TET2: variants seen among roughly 807,000 people sequenced by gnomAD.
The protein encoded by TET2 is tet methylcytosine dioxygenase 2.
A neutral mutation model predicts 142.9 loss-of-function variants in TET2; 299 were observed. The observed-to-expected ratio is 2.09, with a 90% CI of 1.90 to 2.30. The LOEUF (loss-of-function observed/expected upper bound fraction) is 2.30, where lower values mean the gene tolerates loss of function less well. TET2 is among the 30% of genes most tolerant of loss of function. The pLI, the probability that TET2 is intolerant of heterozygous loss-of-function variation, is 0.00. For synonymous variants in TET2, 819 were observed against 849.0 expected (o/e 0.96, Z 0.61); for missense variants, 2,418 against 2,378.0 (o/e 1.02, Z -0.35).
intron 2 of TET2, among the ~76,000 whole-genome samples, chr4:105,198,197 G>T (rs1726203971): frequency 6.6e-6 from 1 of 152,082 alleles, no homozygotes; most frequent in African/African-American, 2.4e-5. Flanking sequence ...TTAGCTGGGG[G>T]TGGTGGTGCA....
At chr4:105,212,816 C>T (rs913679282) in intron 2 of TET2, among the ~76,000 whole-genome samples, 12 of 152,022 alleles carry the variant, frequency 7.9e-5, no homozygotes, top group African/African-American at 2.9e-4. Context: ...ATGGTGAAAC[C>T]CTGTCTCTAC....
rs1731238173 is a variant in TET2 at position 105,276,662 on chromosome 4, A to C, written c.*143A>C. The stretch of plus-strand genomic sequence containing the variant: ...GGAAAAACCTCAGCTCACCAGCAAC[A>C]AAAGAGGTTATCTTACCATAGCACT... On this transcript the variant is annotated 3_prime_UTR_variant, in exon 11 of 11. Coordinates refer to ENST00000380013, the MANE Select transcript of TET2 (RefSeq NM_001127208.3). 1.1e-6 allele frequency: 1 copy of C among 946,566 alleles called. No homozygotes were observed. Among genetic ancestry groups the C allele is most frequent in the African/African-American group, 1.7e-5 (1 of 60,068 alleles). 58.6% of individuals were successfully genotyped at this position (946,566 alleles called of 1,614,324 possible). A position where few individuals can be genotyped will look rare whatever the true frequency, so the allele number is the denominator to read the frequency against.
chr4:105,263,786 A>G lies in TET2; in HGVS notation c.4044+1938A>G, dbSNP rs191558453. Among the ~76,000 whole-genome samples the G allele has an allele frequency of 1.8e-3, 268 of 152,274 alleles. 4 individuals are homozygous for G. Among genetic ancestry groups the G allele is most frequent in the Non-Finnish European group, 3.5e-4 (24 of 68,020 alleles). On this transcript the variant is annotated intron_variant, in intron 8 of 10. Coordinates refer to ENST00000380013, the MANE Select transcript of TET2 (RefSeq NM_001127208.3). The stretch of plus-strand genomic sequence containing the variant: ...TGATGATGGGATTCTGGAGCCATCA[A>G]TCATTTTAGGCATGAGTGGAGGAAG...
At chr4:105,221,162 T>G (rs1263446005) in intron 2 of TET2, among the ~76,000 whole-genome samples, 1 of 152,132 alleles carries the variant, frequency 6.6e-6, no homozygotes, top group Non-Finnish European at 1.5e-5. Context: ...TATCGTTTCC[T>G]TCAGTACACA....
In TET2 at chr4:105,193,048, T is replaced by A. The variant is rs554958277; in HGVS notation, c.-47+2543T>A. ...AGTATCTTATACATCAGTAAATATT[T>A]ACACATACACTTAAGTAAGTGATAT... is the stretch of plus-strand genomic sequence containing the variant. On this transcript the variant is annotated intron_variant, in intron 2 of 10. Coordinates refer to ENST00000380013, the MANE Select transcript of TET2 (RefSeq NM_001127208.3). Among the ~76,000 whole-genome samples, 94 of 152,264 alleles carry A rather than the reference T, an allele frequency of 6.2e-4. 1 individual carries two copies. The South Asian group carries it at 0.019, about 30-fold the overall frequency.
In TET2 at chr4:105,243,685, C is replaced by G. The variant is rs903593725; in HGVS notation, c.3710C>G (p.Pro1237Arg). The part of the protein sequence containing the change: ...VILILVWEGI[P>R]LSLADKLYSE... Reference sequence around the variant, plus strand: ...CTCATCCTGGTGTGGGAAGGAATCCCGCTGTCTCTGGCTGACAAACTCTAC... The same window carrying G: ...CTCATCCTGGTGTGGGAAGGAATCCGGCTGTCTCTGGCTGACAAACTCTAC... Residue 1237 changes from proline to arginine, a missense_variant, in exon 6 of 11, where the codon CCG becomes CGG. By Grantham distance (103) the Pro-to-Arg change is moderately radical (BLOSUM62 -2). Transcript: ENST00000380013. 3.9e-6 allele frequency: 6 copies of G among 1,551,528 alleles called. No individual in the cohort carries two copies. The Admixed American group carries it at 9.8e-5, about 25-fold the overall frequency.
chr4:105,163,892 A>G (rs939198774), intron 1 of TET2, among the ~76,000 whole-genome samples: 4 of 137,652 alleles, frequency 2.9e-5, no homozygotes, highest in Non-Finnish European at 6.4e-5. Context: ...TGTGTGTTCC[A>G]GCTTTGTTGA....
chr4:105,205,000 A>C lies in TET2; in HGVS notation c.-47+14495A>C, dbSNP rs577553810. 2.0e-3 allele frequency among the ~76,000 whole-genome samples: 311 copies of C among 152,224 alleles called. 1 individual carries two copies. Among genetic ancestry groups the C allele is most frequent in the Non-Finnish European group, 3.9e-3 (262 of 67,974 alleles). ...TAAATTTGCTTTGTTTTCCTAAATT[A>C]GTGATTTGGAATACTTAATTGTTTT... On this transcript the variant is annotated intron_variant, in intron 2 of 10. Transcript: ENST00000380013.
chr4:105,155,867 A>G (rs1723540454), intron 1 of TET2, among the ~76,000 whole-genome samples: 1 of 152,364 alleles, frequency 6.6e-6, no homozygotes, highest in Non-Finnish European at 1.5e-5. Context: ...GAGTATGATC[A>G]TAGCATCTAC....
At position 105,234,554 on chromosome 4, in the gene TET2, A is replaced by G; in HGVS notation, c.612A>G (p.Ala204=). ...ACATTGTATTACTTAAAAACAAGGC[A>G]GTGCTAATGCCTAATGGTGCTACAG... ...DKNIVLLKNK[A]VLMPNGATVS... The change falls in exon 3 of 11, where the codon GCA becomes GCG. Residue 204 remains alanine, a synonymous_variant. Coordinates refer to ENST00000380013, the MANE Select transcript of TET2 (RefSeq NM_001127208.3). 6.2e-7 allele frequency: 1 copy of G among 1,614,186 alleles called. No individual in the cohort carries two copies. The highest frequency in any genetic ancestry group is 8.5e-7 in the Non-Finnish European group (1 of 1,180,014).
rs185868683 is a variant in TET2 at position 105,269,860 on chromosome 4, G to T, written c.4182+113G>T. 6.8e-4 allele frequency: 885 copies of T among 1,294,068 alleles called. 3 individuals carry two copies. In the Middle Eastern group the frequency reaches 7.3e-3, roughly 11 times the overall value. 80.2% of individuals were successfully genotyped at this position (1,294,068 alleles called of 1,614,324 possible). ...AGGAAAGAGATTTAATTGACTCACA[G>T]TTCCACATGGCTGTGGAGGCCTCAC... On this transcript the variant is annotated intron_variant, in intron 9 of 10. Coordinates refer to ENST00000380013, the MANE Select transcript of TET2 (RefSeq NM_001127208.3).
intron 6 of TET2, among the ~76,000 whole-genome samples, chr4:105,252,439 G>C (rs946151429): frequency 1.2e-4 from 18 of 152,234 alleles, no homozygotes; most frequent in African/African-American, 4.3e-4. Flanking sequence ...CATCTTAGTT[G>C]CTTCCAAGTT....
At position 105,278,405 on chromosome 4, in the gene TET2, T is replaced by TAA. The variant is rs34547183; in HGVS notation, c.*1895_*1896dup. ...TTTTCCAAGTCCTTTTTTTTATTGT[T>TAA]AAAAAAAAAAGCATACCTTTTTTCA... On this transcript the variant is annotated 3_prime_UTR_variant, in exon 11 of 11. Coordinates refer to ENST00000380013, the MANE Select transcript of TET2 (RefSeq NM_001127208.3). 23 of 201,188 alleles carry TAA rather than the reference T, an allele frequency of 1.1e-4. No individual in the cohort carries two copies. Among genetic ancestry groups the TAA allele is most frequent in the African/African-American group, 4.0e-4 (17 of 42,028 alleles). 12.5% of individuals were successfully genotyped at this position (201,188 alleles called of 1,614,324 possible). A position where few individuals can be genotyped will look rare whatever the true frequency, so the allele number is the denominator to read the frequency against.
At position 105,235,795 on chromosome 4, in the gene TET2, A is replaced by G; in HGVS notation, c.1853A>G (p.Gln618Arg). The part of the protein sequence containing the change: ...NSNMPGGLPR[Q>R]AYTQKTTQLE... ...AACATGCCTGGGGGGCTCCCAAGGCAAGCTTACACCCAGAAAACAACACAG... is the reference window on the plus strand; with the variant it reads ...AACATGCCTGGGGGGCTCCCAAGGCGAGCTTACACCCAGAAAACAACACAG... Residue 618 changes from glutamine to arginine, a missense_variant, in exon 3 of 11, where the codon CAA (glutamine) becomes CGA (arginine). Transcript: ENST00000380013. 1 of 1,614,130 alleles carries G rather than the reference A, an allele frequency of 6.2e-7. No homozygotes were observed.
chr4:105,149,497 T>C (rs750915973), intron 1 of TET2, among the ~76,000 whole-genome samples: 17 of 152,206 alleles, frequency 1.1e-4, no homozygotes, highest in Non-Finnish European at 2.5e-4. Context: ...TGGGGTAGTT[T>C]ACAATAAAAG....
Position 105,269,703 on chromosome 4 carries a change from CA to C in TET2, c.4139del (p.His1380LeufsTer68). On this transcript the variant is annotated frameshift_variant, in exon 9 of 11. Coordinates refer to ENST00000380013, the MANE Select transcript of TET2 (RefSeq NM_001127208.3). LOFTEE classifies it high-confidence loss of function. ...GVTACLDFCA[H>X]AHRDLHNMQN... Reference sequence around the variant, plus strand: ...CACTGCATGTTTGGACTTCTGTGCTCATGCCCACAGAGACTTGCACAACATG... The same window carrying C: ...CACTGCATGTTTGGACTTCTGTGCTCTGCCCACAGAGACTTGCACAACATG... The C allele has an allele frequency of 6.4e-7, 1 of 1,551,618 alleles. No individual in the cohort carries two copies. The highest frequency in any genetic ancestry group is 8.7e-7 in the Non-Finnish European group (1 of 1,146,924).
chr4:105,156,644 A>AT (rs1414041091), intron 1 of TET2, among the ~76,000 whole-genome samples: 5 of 152,208 alleles, frequency 3.3e-5, no homozygotes, highest in East Asian at 3.8e-4. Flanking sequence ...TAGATGATGC[A>AT]TAAAAAAAAG....
At chr4:105,252,155 C>T (rs1729898088) in intron 6 of TET2, among the ~76,000 whole-genome samples, 1 of 152,172 alleles carries the variant, frequency 6.6e-6, no homozygotes, top group Non-Finnish European at 1.5e-5. Flanking sequence ...ATTTCACTGC[C>T]TTAAAAGTCC....
intron 1 of TET2, among the ~76,000 whole-genome samples, chr4:105,183,837 A>G (rs919700007): frequency 6.6e-6 from 1 of 152,154 alleles, no homozygotes; most frequent in Non-Finnish European, 1.5e-5. Flanking sequence ...AAGCATCAAA[A>G]TCAATGCAAG....
Sources: gnomAD v4.1 joint callset for allele counts (sites outside exome capture counted in the v4.1 genomes callset) on GRCh38, gnomAD v4.1.1 for gene constraint, MANE v1.5 for transcripts, NCBI Gene and HGNC (gene_info 2026-07-23, HGNC 2026-07-21) for gene names.